LMF1: variants seen among roughly 807,000 people sequenced by gnomAD.
LMF1 encodes transmembrane protein 112.
Under a neutral mutation model 60.6 loss-of-function variants are expected in LMF1, and 68 were observed. The ratio of observed to expected loss-of-function variants is 1.12; its 90% confidence interval spans 0.92 to 1.37. LMF1 has a LOEUF of 1.37. Ranked by LOEUF, LMF1 falls within the 40% of genes most tolerant of loss-of-function variation. LMF1 has a pLI of 0.00. For synonymous variants in LMF1, 418 were observed against 324.7 expected, an observed-to-expected ratio of 1.29 and a Z score of -3.09; for missense variants, 948 against 767.2, an observed-to-expected ratio of 1.24 and a Z score of -2.78.
chr16:960,081 G>A (rs1022405542), intron 1 of LMF1, among the ~76,000 whole-genome samples: 8 of 152,306 alleles, frequency 5.3e-5, no homozygotes, highest in East Asian at 1.9e-4. Context: ...CGGGAGCAAC[G>A]GCCCTCCCAG....
chr16:980,639 C>A (rs2151515426), intron 1 of LMF1: 1 of 152,224 alleles, frequency 6.6e-6, no homozygotes, highest in Non-Finnish European at 1.5e-5. Context: ...TCGCCTCCAG[C>A]GCGCTGGTTG....
chr16:930,723 G>T (rs1197074611), intron 3 of LMF1, among the ~76,000 whole-genome samples: 2 of 152,222 alleles, frequency 1.3e-5, no homozygotes, highest in African/African-American at 4.8e-5. Context: ...GTGAGAGCAT[G>T]TCCCGGGGAG....
intron 4 of LMF1, among the ~76,000 whole-genome samples, chr16:909,526 C>T (rs930458067): frequency 1.1e-4 from 17 of 152,284 alleles, no homozygotes; most frequent in South Asian, 8.3e-4. Context: ...CCACGCTACA[C>T]GCTATACCAA....
chr16:884,576 G>A (rs1026551807), intron 5 of LMF1, among the ~76,000 whole-genome samples: 1 of 152,270 alleles, frequency 6.6e-6, no homozygotes, highest in Non-Finnish European at 1.5e-5. Context: ...GAGGGAGAAT[G>A]ATCACAGATG....
At chr16:871,663 A>C in intron 6 of LMF1, 2 of 287,324 alleles carry the variant, frequency 7.0e-6, no homozygotes, top group East Asian at 1.5e-4. Flanking sequence ...CCCTCCTGGA[A>C]CTCCTCACTT....
At chr16:906,738 A>T (rs2151749861) in intron 4 of LMF1, among the ~76,000 whole-genome samples, 1 of 151,678 alleles carries the variant, frequency 6.6e-6, no homozygotes, top group Middle Eastern at 3.4e-3. Context: ...AAGTAGTGTG[A>T]CTCCTCCTGC....
At chr16:952,903 C>T (rs1253625406) in intron 2 of LMF1, among the ~76,000 whole-genome samples, 1 of 137,736 alleles carries the variant, frequency 7.3e-6, no homozygotes, top group African/African-American at 2.9e-5. Flanking sequence ...CCACCCCAAA[C>T]CAGCCTCCTA....
upstream of LMF1, chr16:981,342 G>GAGAA (rs2073365888): frequency 3.6e-6 from 1 of 274,190 alleles, no homozygotes; most frequent in Non-Finnish European, 7.2e-6. Context: ...GAGAGAGAGA[G>GAGAA]AGAGAGTGTG....
chr16:941,972 C>A (rs1443755797), intron 2 of LMF1, among the ~76,000 whole-genome samples: 1 of 152,168 alleles, frequency 6.6e-6, no homozygotes, highest in African/African-American at 2.4e-5. Flanking sequence ...ATTTCCCTAC[C>A]TTTACCATGT....
At chr16:929,771 A>C (rs2071716454) in intron 3 of LMF1, among the ~76,000 whole-genome samples, 1 of 152,232 alleles carries the variant, frequency 6.6e-6, no homozygotes, top group African/African-American at 2.4e-5. Context: ...TTTAACAAAT[A>C]TTGTGGTTTT....
intron 3 of LMF1, among the ~76,000 whole-genome samples, chr16:914,719 G>A (rs565351908): frequency 0.15 from 105 of 712 alleles, 1 homozygote; most frequent in African/African-American, 0.31. Context: ...ACGACCATTG[G>A]TGACACTCTC....
intron 10 of LMF1, among the ~76,000 whole-genome samples, chr16:860,418 C>T (rs566282817): frequency 6.6e-6 from 1 of 151,866 alleles, no homozygotes; most frequent in East Asian, 1.9e-4. Flanking sequence ...CGGCTCACTG[C>T]AACCTCTGCC....
chr16:957,438 T>C (rs1019261943), intron 1 of LMF1, among the ~76,000 whole-genome samples: 2 of 152,078 alleles, frequency 1.3e-5, no homozygotes, highest in African/African-American at 4.8e-5. Context: ...ATTAAAAAAA[T>C]GAAACAAGAT....
At position 862,442 on chromosome 16, in the gene LMF1, T is replaced by A. The variant is rs1183419628; in HGVS notation, c.1529+6502A>T. Among the ~76,000 whole-genome samples, 8 of 152,252 alleles carry A rather than the reference T, an allele frequency of 5.3e-5. No individual in the cohort carries two copies. In the East Asian group the frequency reaches 1.5e-3, roughly 29 times the overall value. Reference sequence around the variant, plus strand: ...TACAAGTGTGAGCCATTGTGCCCAGTCTATTTAGTAATATTTTGTTAAAAA... The same window carrying A: ...TACAAGTGTGAGCCATTGTGCCCAGACTATTTAGTAATATTTTGTTAAAAA... On this transcript the variant is annotated intron_variant, in intron 10 of 10. Coordinates refer to ENST00000262301, the MANE Select transcript of LMF1 (RefSeq NM_022773.4).
chr16:916,642 TG>T (rs1268656204), intron 3 of LMF1, among the ~76,000 whole-genome samples: 6 of 152,236 alleles, frequency 3.9e-5, no homozygotes, highest in Admixed American at 2.6e-4. Flanking sequence ...GGACACCAGG[TG>T]GCCTTGTCTG....
rs1295204185 is a variant in LMF1 at position 878,267 on chromosome 16, T to C, written c.897+1303A>G. On this transcript the variant is annotated intron_variant, in intron 6 of 10. Transcript: ENST00000262301. This position sits in a 1 kb window ranked among gnomAD's most constrained non-coding sequence, Gnocchi z 5.2. ...AGCAAGTCCGTTCTTCCCACTTAGA[T>C]TCACGGCGACATCGATGCCCACAGG... Among the ~76,000 whole-genome samples, 1 of 152,090 alleles carries C rather than the reference T, an allele frequency of 6.6e-6. No individual in the cohort carries two copies. Among genetic ancestry groups the C allele is most frequent in the Non-Finnish European group, 1.5e-5 (1 of 68,014 alleles).
At chr16:973,652 G>A (rs567101183), upstream of LMF1, among the ~76,000 whole-genome samples, 4 of 152,310 alleles carry the variant, frequency 2.6e-5, no homozygotes, top group South Asian at 2.1e-4. Flanking sequence ...ACACCGAGTC[G>A]TTCACTGGCA....
At chr16:957,032 C>A (rs754407724) in intron 1 of LMF1, among the ~76,000 whole-genome samples, 1 of 151,826 alleles carries the variant, frequency 6.6e-6, no homozygotes, top group Non-Finnish European at 1.5e-5. Flanking sequence ...TGGTGCACCC[C>A]GGTAGTCCCA....
chr16:968,426 T>C (rs189590456), intron 1 of LMF1: 5 of 152,366 alleles, frequency 3.3e-5, no homozygotes, highest in Non-Finnish European at 7.3e-5. Context: ...ATAAACATTG[T>C]AAAATTCAGT....
Sources: gnomAD v4.1 joint callset for allele counts (sites outside exome capture counted in the v4.1 genomes callset) on GRCh38, gnomAD v4.1.1 for gene constraint, Gnocchi (gnomAD v3.1) non-coding constraint, MANE v1.5 for transcripts, NCBI Gene and HGNC (gene_info 2026-07-23, HGNC 2026-07-21) for gene names.